Variants in KCNH5 observed in about 807,000 individuals in gnomAD.
KCNH5 encodes the protein voltage-gated delayed rectifier potassium channel KCNH5.
A neutral mutation model predicts 96.1 loss-of-function variants in KCNH5; 46 were observed. The ratio of observed to expected loss-of-function variants is 0.48; its 90% CI spans 0.38 to 0.61. The LOEUF is 0.61. Among genes scored for constraint, KCNH5 ranks in the 20% least tolerant of loss-of-function variants. The pLI is 0.00. For missense variants in KCNH5, 907 were observed against 1,225.8 expected, an observed-to-expected ratio of 0.74 and a Z score of 3.88; for synonymous variants, 439 against 449.8, an observed-to-expected ratio of 0.98 and a Z score of 0.30.
chr14:63,013,093 G>A (rs971837889), intron 2 of KCNH5, among the ~76,000 whole-genome samples: 2 of 151,926 alleles, frequency 1.3e-5, no homozygotes, highest in African/African-American at 2.4e-5. Context: ...GATTCTGTGT[G>A]TCTGGTCCAA....
rs182088771 is a variant in KCNH5, at chr14:63,027,999, T to A, written c.74-11045A>T. On this transcript the variant is annotated intron_variant, in intron 1 of 10. Transcript: ENST00000322893. ...CTCTACAATTTCTAACCTATTTCAA[T>A]TTTGGCTGCATTAATCAAGACCTGT... Among the ~76,000 whole-genome samples the A allele has an allele frequency of 1.1e-4, 16 of 152,258 alleles. No homozygotes were observed. In the East Asian group the frequency reaches 3.1e-3, roughly 29 times the overall value.
At chr14:62,772,903 C>A (rs954976161) in intron 10 of KCNH5, among the ~76,000 whole-genome samples, 3 of 152,108 alleles carry the variant, frequency 2.0e-5, no homozygotes, top group African/African-American at 7.2e-5. Context: ...TTGGTTCATG[C>A]CCAGATTGAG....
At chr14:62,786,240 T>C (rs764738582) in intron 9 of KCNH5, among the ~76,000 whole-genome samples, 1 of 152,064 alleles carries the variant, frequency 6.6e-6, no homozygotes, top group Non-Finnish European at 1.5e-5. Flanking sequence ...TATTCATCAG[T>C]GAGAACTGCT....
At chr14:62,724,347 G>A (rs1353877982) in intron 10 of KCNH5, among the ~76,000 whole-genome samples, 1 of 152,126 alleles carries the variant, frequency 6.6e-6, no homozygotes, top group East Asian at 1.9e-4. Context: ...AAAAGATGGG[G>A]CTGAACTTGC....
chr14:62,972,155 TA>T (rs202107350), intron 6 of KCNH5, among the ~76,000 whole-genome samples: 4 of 152,058 alleles, frequency 2.6e-5, no homozygotes, highest in South Asian at 2.1e-4. Context: ...AAACAACAAT[TA>T]AAAAAATGCA....
chr14:62,933,187 G>C (rs1229928708), intron 7 of KCNH5, among the ~76,000 whole-genome samples: 1 of 151,912 alleles, frequency 6.6e-6, no homozygotes, highest in Non-Finnish European at 1.5e-5. Context: ...AGCATGATGA[G>C]GTTAGAGTTA....
At chr14:63,043,949 C>CT (rs1182281321) in intron 1 of KCNH5, among the ~76,000 whole-genome samples, 3 of 152,078 alleles carry the variant, frequency 2.0e-5, no homozygotes, top group East Asian at 1.9e-4. Flanking sequence ...GTATTAATTA[C>CT]TTTTTTTTAA....
intron 10 of KCNH5, among the ~76,000 whole-genome samples, chr14:62,716,232 G>T (rs925376425): frequency 2.0e-5 from 3 of 152,100 alleles, no homozygotes; most frequent in Non-Finnish European, 2.9e-5. Context: ...CTATTCCAAG[G>T]TTAATCTGAC....
chr14:62,961,667 T>C (rs546339946), intron 6 of KCNH5, among the ~76,000 whole-genome samples: 3 of 152,050 alleles, frequency 2.0e-5, no homozygotes, highest in East Asian at 3.9e-4. Context: ...CAGGACATGA[T>C]GGACATGAAA....
At chr14:62,788,767 T>A (rs537106202) in intron 9 of KCNH5, among the ~76,000 whole-genome samples, 2 of 152,254 alleles carry the variant, frequency 1.3e-5, no homozygotes, top group South Asian at 4.1e-4. Flanking sequence ...GCTCAGATGA[T>A]CATTAGCATA....
intron 7 of KCNH5, among the ~76,000 whole-genome samples, chr14:62,877,119 G>T (rs556809320): frequency 1.4e-4 from 21 of 152,162 alleles, no homozygotes; most frequent in African/African-American, 5.1e-4. Context: ...AATAAATGGT[G>T]CTGGGAAAAC....
chr14:62,868,037 G>A (rs1015213168), intron 7 of KCNH5, among the ~76,000 whole-genome samples: 2 of 152,210 alleles, frequency 1.3e-5, no homozygotes, highest in Non-Finnish European at 1.5e-5. Flanking sequence ...CTTGAGATCC[G>A]GCTGTTCTCT....
chr14:62,837,077 A>G lies in KCNH5; in HGVS notation c.1569+12576T>C, dbSNP rs576345543. On this transcript the variant is annotated intron_variant, in intron 8 of 10. Coordinates refer to ENST00000322893, the MANE Select transcript of KCNH5 (RefSeq NM_139318.5). ...AGGAACTCAGGAATATATAACACTA[A>G]GAAGTGCTTAGAGATGGGCACAGTC... Among the ~76,000 whole-genome samples the G allele has an allele frequency of 3.3e-5, 5 of 152,318 alleles. No homozygotes were observed. In the East Asian group the frequency reaches 9.6e-4, roughly 29 times the overall value.
At chr14:62,912,913 A>G (rs1165945999) in intron 7 of KCNH5, among the ~76,000 whole-genome samples, 1 of 152,234 alleles carries the variant, frequency 6.6e-6, no homozygotes, top group Non-Finnish European at 1.5e-5. Context: ...ATGTCTGTCT[A>G]CTTAAGGCTA....
chr14:62,793,379 A>C (rs1333212764), intron 9 of KCNH5, among the ~76,000 whole-genome samples: 1 of 151,818 alleles, frequency 6.6e-6, no homozygotes, highest in Non-Finnish European at 1.5e-5. Flanking sequence ...TGGTAATGGT[A>C]TTAAGAGTGT....
At chr14:62,726,142 A>G (rs1884920196) in intron 10 of KCNH5, among the ~76,000 whole-genome samples, 1 of 152,224 alleles carries the variant, frequency 6.6e-6, no homozygotes, top group Non-Finnish European at 1.5e-5. Context: ...GTATAACTAA[A>G]TCAACTCTAA....
At chr14:62,961,025 T>C (rs1890196120) in intron 6 of KCNH5, among the ~76,000 whole-genome samples, 1 of 152,206 alleles carries the variant, frequency 6.6e-6, no homozygotes, top group Admixed American at 6.6e-5. Flanking sequence ...TCATATCCAC[T>C]GGGTCCACAG....
At chr14:63,040,889 C>G (rs1449986703) in intron 1 of KCNH5, among the ~76,000 whole-genome samples, 2 of 152,040 alleles carry the variant, frequency 1.3e-5, no homozygotes, top group African/African-American at 4.8e-5. Context: ...AGTTTCTTCT[C>G]TTGAAAGGTA....
chr14:62,865,176 C>T (rs1020135022), intron 7 of KCNH5, among the ~76,000 whole-genome samples: 4 of 152,016 alleles, frequency 2.6e-5, no homozygotes, highest in Admixed American at 6.6e-5. Flanking sequence ...GGACAGTCTA[C>T]GTGAGTTGGC....
Sources: allele counts gnomAD v4.1 joint callset (sites outside exome capture counted in the v4.1 genomes callset), GRCh38; gene constraint gnomAD v4.1.1; transcripts MANE v1.5; gene names NCBI Gene and HGNC (gene_info 2026-07-23, HGNC 2026-07-21).